The following SHROOM2 variants were observed in gnomAD, a reference collection of about 807,000 sequenced individuals.
SHROOM2 encodes shroom family member 2.
A neutral mutation model predicts 75.9 loss-of-function variants in SHROOM2; 33 were observed. The ratio of observed to expected loss-of-function variants is 0.43; its 90% CI spans 0.33 to 0.58. SHROOM2 has a LOEUF of 0.58. SHROOM2 is among the 20% of genes least tolerant of loss of function. The probability of loss-of-function intolerance (pLI) is 0.04; values close to 1 mark genes in which losing one functional copy is unlikely to be tolerated. For synonymous variants in SHROOM2, 655 were observed against 663.6 expected (o/e 0.99, Z 0.20); for missense variants, 1,434 against 1,461.2 (o/e 0.98, Z 0.30).
rs1461172458 is a variant in SHROOM2 at position 9,947,082 on chromosome X, T to C, written c.*145T>C. 1 of 593,068 alleles carries C rather than the reference T, an allele frequency of 1.7e-6. No individual in the cohort carries two copies. Among genetic ancestry groups the C allele is most frequent in the Non-Finnish European group, 2.6e-6 (1 of 387,683 alleles). 48.9% of individuals were successfully genotyped at this position (593,068 alleles called of 1,213,427 possible). ...AGAGGCTGTTATAAAAGCAATAACT[T>C]TTGTGTTTGTGTGGGATGATTTATT... On this transcript the variant is annotated 3_prime_UTR_variant, in exon 10 of 10. Transcript: ENST00000380913.
At chrX:9,921,597 C>T (rs926017764) in intron 5 of SHROOM2, among the ~76,000 whole-genome samples, 1 of 111,796 alleles carries the variant, frequency 8.9e-6, no homozygotes, top group African/African-American at 3.3e-5. Flanking sequence ...ACTTTGTGCC[C>T]TCTCACCAAT....
At chrX:9,818,716 C>T in intron 1 of SHROOM2, 1 of 441,740 alleles carries the variant, frequency 2.3e-6, no homozygotes, top group Non-Finnish European at 4.1e-6. Flanking sequence ...AACATCCAGT[C>T]CTTCTGCTTC....
chrX:9,788,497 C>T (rs1201596641), intron 1 of SHROOM2, among the ~76,000 whole-genome samples: 1 of 111,142 alleles, frequency 9.0e-6, no homozygotes, highest in Non-Finnish European at 1.9e-5. Context: ...TGGTTCGGTC[C>T]TGGTCTTCAG....
chrX:9,923,209 G>A (rs776593669), intron 5 of SHROOM2, among the ~76,000 whole-genome samples: 2 of 110,884 alleles, frequency 1.8e-5, no homozygotes, highest in Non-Finnish European at 3.8e-5. Flanking sequence ...ACCTCCACAA[G>A]CTGCCTTTTG....
chrX:9,853,052 T>C (rs2084048948), intron 1 of SHROOM2, among the ~76,000 whole-genome samples: 1 of 112,103 alleles, frequency 8.9e-6, no homozygotes, highest in African/African-American at 3.2e-5. Flanking sequence ...TGGTTTCCTC[T>C]TTAATAGGAA....
intron 9 of SHROOM2, among the ~76,000 whole-genome samples, 184 bp downstream of exon 9, chrX:9,945,097 T>C (rs2084807082): frequency 1.0e-5 from 1 of 95,722 alleles, no homozygotes; most frequent in South Asian, 4.5e-4. Context: ...TATATTTCTT[T>C]AGTTGTTTGT....
chrX:9,794,510 C>T (rs1053247434), intron 1 of SHROOM2, among the ~76,000 whole-genome samples: 2 of 111,101 alleles, frequency 1.8e-5, no homozygotes, highest in Non-Finnish European at 3.8e-5. Context: ...GCTGGGATTA[C>T]AGGCGCCTGC....
At chrX:9,809,138 T>C (rs184506019) in intron 1 of SHROOM2, among the ~76,000 whole-genome samples, 2 of 101,829 alleles carry the variant, frequency 2.0e-5, no homozygotes, top group African/African-American at 7.0e-5. Flanking sequence ...AGGAAATATA[T>C]ATGAAGAGGA....
chrX:9,932,348 C>T lies in SHROOM2; in HGVS notation c.3065C>T (p.Ser1022Leu), dbSNP rs12388875. 2.8e-5 allele frequency: 34 copies of T among 1,207,913 alleles called. No homozygotes were observed. In the East Asian group the frequency reaches 4.2e-4, roughly 15 times the overall value. The part of the protein sequence containing the change: ...AGTLPRDYRY[S>L]EESTPADLGP... ...ACCCTACCTCGAGATTATAGATACTCGGAGGAGAGCACCCCAGCAGACTTG... is the reference window on the plus strand; with the variant it reads ...ACCCTACCTCGAGATTATAGATACTTGGAGGAGAGCACCCCAGCAGACTTG... The change falls in exon 6 of 10, where the codon TCG becomes TTG. Residue 1022 changes from serine to leucine, a missense_variant. Transcript: ENST00000380913.
chrX:9,801,926 A>C (rs146943985), intron 1 of SHROOM2, among the ~76,000 whole-genome samples: 3,584 of 111,335 alleles, frequency 0.032, 138 homozygotes, highest in African/African-American at 0.1. Flanking sequence ...ACTACACGCC[A>C]GCCTGGGTGA....
At chrX:9,886,712 CTG>C (rs1234320486) in intron 2 of SHROOM2, among the ~76,000 whole-genome samples, 3 of 109,895 alleles carry the variant, frequency 2.7e-5, no homozygotes, top group Non-Finnish European at 5.7e-5. Context: ...CCTTTTGTAA[CTG>C]TCTAATGTCA....
rs1555923485 is a variant in SHROOM2 at position 9,816,580 on chromosome X, C to CCTGCTGCTGCTGCTA, written c.165+29884_165+29885insACTGCTGCTGCTGCT. Among the ~76,000 whole-genome samples the CCTGCTGCTGCTGCTA allele has an allele frequency of 1.4e-4, 14 of 102,518 alleles. No individual in the cohort carries two copies. In the Admixed American group the frequency reaches 1.5e-3, roughly 11 times the overall value. The allele number at this position is 102,518 out of a possible 115,157, so 89.0% of individuals were successfully genotyped here. A position where few individuals can be genotyped will look rare whatever the true frequency, so the allele number is the denominator to read the frequency against. On this transcript the variant is annotated intron_variant, in intron 1 of 9. Transcript: ENST00000380913. The stretch of plus-strand genomic sequence containing the variant: ...GTTTGTGGTTAGCTCAGCCTTACCC[C>CCTGCTGCTGCTGCTA]CTGCTGCTGCTGCTGCTGCTGCTGC...
intron 1 of SHROOM2, among the ~76,000 whole-genome samples, chrX:9,844,829 A>AATT (rs1569147914): frequency 7.7e-5 from 8 of 103,702 alleles, no homozygotes; most frequent in East Asian, 3.1e-4. Flanking sequence ...ATAAATAAAT[A>AATT]AATTAATTAA....
chrX:9,911,951 T>A, intron 5 of SHROOM2, among the ~76,000 whole-genome samples: 1 of 109,898 alleles, frequency 9.1e-6, no homozygotes, highest in East Asian at 2.8e-4. Context: ...CGTTAAAATA[T>A]AAGAAGTGCT....
chrX:9,911,556 G>A (rs1445014229), intron 5 of SHROOM2, among the ~76,000 whole-genome samples: 1 of 111,101 alleles, frequency 9.0e-6, no homozygotes, highest in East Asian at 2.9e-4. Flanking sequence ...GAGGCGCAGT[G>A]GCTGGCGACG....
intron 1 of SHROOM2, among the ~76,000 whole-genome samples, chrX:9,833,678 A>C (rs2083928820): frequency 9.1e-6 from 1 of 109,337 alleles, no homozygotes; most frequent in African/African-American, 3.4e-5. Flanking sequence ...ACAGAATTCC[A>C]GACAACTCCA....
At chrX:9,863,616 G>A (rs889057443) in intron 1 of SHROOM2, among the ~76,000 whole-genome samples, 25 of 108,292 alleles carry the variant, frequency 2.3e-4, no homozygotes, top group African/African-American at 7.4e-4. Flanking sequence ...TTTTTTTTGG[G>A]GGGGGTGTAT....
Position 9,946,698 on chromosome X carries a change from C to T in SHROOM2, c.4612C>T (p.Leu1538=). The T allele has an allele frequency of 8.3e-7, 1 of 1,207,352 alleles. No homozygotes were observed. Reference sequence around the variant, plus strand: ...ATCACTGCTTGAGAAGCAGAGAGTCCTGATCCAGCAGCACGAGGACGCCAA... The same window carrying T: ...ATCACTGCTTGAGAAGCAGAGAGTCTTGATCCAGCAGCACGAGGACGCCAA... ...RQSLLEKQRV[L]IQQHEDAKEL... Residue 1538 remains leucine, a synonymous_variant, in exon 10 of 10, where the codon CTG becomes TTG. Coordinates refer to ENST00000380913, the MANE Select transcript of SHROOM2 (RefSeq NM_001649.4).
At chrX:9,826,737 C>T (rs961707964) in intron 1 of SHROOM2, among the ~76,000 whole-genome samples, 54 of 112,052 alleles carry the variant, frequency 4.8e-4, no homozygotes, top group African/African-American at 1.7e-3. Context: ...GATTGTGCCT[C>T]TGCACTCCGT....
Sources: gnomAD v4.1 joint callset for allele counts (sites outside exome capture counted in the v4.1 genomes callset) on GRCh38, gnomAD v4.1.1 for gene constraint, MANE v1.5 for transcripts, NCBI Gene and HGNC (gene_info 2026-07-23, HGNC 2026-07-21) for gene names.